NEK11: variants seen among roughly 807,000 people sequenced by gnomAD.
The protein encoded by NEK11 is NIMA related kinase 11.
Under a neutral mutation model 80.7 loss-of-function variants are expected in NEK11, and 72 were observed. The ratio of observed to expected loss-of-function variants is 0.89; its 90% CI spans 0.74 to 1.08. NEK11 has a LOEUF of 1.08. Ranked by LOEUF, NEK11 falls within the 50% of genes least tolerant of loss-of-function variation. The pLI, the probability that NEK11 is intolerant of heterozygous loss-of-function variation, is 0.00. For synonymous variants in NEK11, 251 were observed against 260.7 expected, an observed-to-expected ratio of 0.96 and a Z score of 0.36; for missense variants, 764 against 763.6, an observed-to-expected ratio of 1.00 and a Z score of -0.01.
At chr3:131,277,038 T>C (rs2096304698) in intron 17 of NEK11, among the ~76,000 whole-genome samples, 1 of 152,208 alleles carries the variant, frequency 6.6e-6, no homozygotes, top group Non-Finnish European at 1.5e-5. Context: ...GGTTTGTCTG[T>C]TGTTTCCTCA....
intron 7 of NEK11, among the ~76,000 whole-genome samples, chr3:131,139,517 G>A (rs564498615): frequency 3.3e-5 from 5 of 152,166 alleles, no homozygotes; most frequent in African/African-American, 7.2e-5. Flanking sequence ...TCTAGAAAAA[G>A]ATATTAATAT....
intron 4 of NEK11, among the ~76,000 whole-genome samples, chr3:131,101,177 ACC>A (rs1180208009): frequency 6.6e-6 from 1 of 151,900 alleles, no homozygotes; most frequent in Admixed American, 6.6e-5. Context: ...TTTTATAAGA[ACC>A]AACTCTTGGT....
chr3:131,042,441 A>G (rs1433113080), intron 3 of NEK11, among the ~76,000 whole-genome samples: 1 of 152,100 alleles, frequency 6.6e-6, no homozygotes, highest in Non-Finnish European at 1.5e-5. Flanking sequence ...GGTGTTCACC[A>G]TTACTGAGGC....
intron 3 of NEK11, among the ~76,000 whole-genome samples, chr3:131,069,667 G>A (rs1041428150): frequency 1.3e-5 from 2 of 151,518 alleles, no homozygotes; most frequent in Non-Finnish European, 2.9e-5. Flanking sequence ...ATGAGTTCAC[G>A]TCCTTTGTAG....
intron 4 of NEK11, among the ~76,000 whole-genome samples, chr3:131,089,580 A>G (rs2076446326): frequency 6.6e-6 from 1 of 152,184 alleles, no homozygotes; most frequent in Admixed American, 6.5e-5. Context: ...CTGGGATTAC[A>G]GGCATGTGCC....
intron 4 of NEK11, among the ~76,000 whole-genome samples, chr3:131,096,587 C>T (rs930833411): frequency 1.3e-5 from 2 of 151,978 alleles, no homozygotes; most frequent in Non-Finnish European, 2.9e-5. Flanking sequence ...GTTTTGAGTT[C>T]TTTGAGGAAT....
In NEK11 at chr3:131,212,373, G is replaced by A. The variant is rs573152739; in HGVS notation, c.1400-16155G>A. On this transcript the variant is annotated intron_variant, in intron 14 of 17. Coordinates refer to ENST00000383366, the MANE Select transcript of NEK11 (RefSeq NM_024800.5). ...CCTCTGGAAGCTTCGTCTCAGAGGG[G>A]CACCCGGCTGTATGACGTGTCAGTC... Among the ~76,000 whole-genome samples, 4 of 152,296 alleles carry A rather than the reference G, an allele frequency of 2.6e-5. No individual in the cohort carries two copies. The South Asian group carries it at 6.2e-4, about 24-fold the overall frequency.
rs1301783576 is a variant in NEK11 at position 131,333,572 on chromosome 3, T to C, written c.1719-15985T>C. 6.6e-5 allele frequency among the ~76,000 whole-genome samples: 10 copies of C among 152,092 alleles called. No homozygotes were observed. The East Asian group carries it at 1.9e-3, about 29-fold the overall frequency. On this transcript the variant is annotated intron_variant, in intron 17 of 17. Transcript: ENST00000383366. ...AAACTGCATCAACTAACGAGCAAAA[T>C]CACCAGCTAACATCATAATGACAGG...
intron 14 of NEK11, among the ~76,000 whole-genome samples, chr3:131,176,773 G>A (rs1006624757): frequency 2.0e-5 from 3 of 152,078 alleles, no homozygotes; most frequent in Non-Finnish European, 4.4e-5. Flanking sequence ...GTATTCATGG[G>A]GAAAACCAGC....
chr3:131,195,530 T>C (rs1341490831), intron 14 of NEK11, among the ~76,000 whole-genome samples: 1 of 152,046 alleles, frequency 6.6e-6, no homozygotes, highest in African/African-American at 2.4e-5. Context: ...AAAGGTCCTA[T>C]TTGCAGAGAA....
intron 15 of NEK11, among the ~76,000 whole-genome samples, chr3:131,232,956 T>G (rs2107876423): frequency 6.7e-6 from 1 of 149,478 alleles, no homozygotes; most frequent in East Asian, 2.0e-4. Flanking sequence ...GGAGGAGTCT[T>G]AAACCATACT....
chr3:131,077,182 T>A (rs919095132), intron 3 of NEK11, among the ~76,000 whole-genome samples: 13 of 152,196 alleles, frequency 8.5e-5, no homozygotes, highest in Non-Finnish European at 1.3e-4. Context: ...AAATTTCTCC[T>A]GAGTTGAGGC....
intron 3 of NEK11, among the ~76,000 whole-genome samples, chr3:131,046,578 CTT>C (rs200719678): frequency 4.1e-5 from 6 of 146,522 alleles, no homozygotes; most frequent in Non-Finnish European, 3.0e-5. Context: ...TAAAGTGATT[CTT>C]TTTTTTTTTT....
intron 4 of NEK11, among the ~76,000 whole-genome samples, chr3:131,102,593 C>T (rs1348343560): frequency 2.0e-5 from 3 of 152,186 alleles, no homozygotes; most frequent in African/African-American, 7.2e-5. Flanking sequence ...ACTTTTCTCT[C>T]TTCCTTTAAG....
At chr3:131,286,444 T>G (rs967742083) in intron 17 of NEK11, among the ~76,000 whole-genome samples, 1 of 152,234 alleles carries the variant, frequency 6.6e-6, no homozygotes, top group Non-Finnish European at 1.5e-5. Context: ...TGACCATGCC[T>G]GAATTGTAGT....
Position 131,291,968 on chromosome 3 carries a change from T to C in NEK11, c.1718+18394T>C, listed in dbSNP as rs1393252718. On this transcript the variant is annotated intron_variant, in intron 17 of 17. Coordinates refer to ENST00000383366, the MANE Select transcript of NEK11 (RefSeq NM_024800.5). ...ATTTCTTGCTCTCAAAAATCATGCC[T>C]TTGTTGTATCTAAAAAGTCATTGCC... 2.0e-5 allele frequency among the ~76,000 whole-genome samples: 3 copies of C among 152,190 alleles called. No individual in the cohort carries two copies. In the East Asian group the frequency reaches 5.8e-4, roughly 29 times the overall value.
At chr3:131,112,927 A>T (rs1011970067) in intron 5 of NEK11, among the ~76,000 whole-genome samples, 3 of 152,186 alleles carry the variant, frequency 2.0e-5, no homozygotes, top group African/African-American at 7.2e-5. Flanking sequence ...GAGCTTTTTG[A>T]GTGGAGTTAT....
intron 5 of NEK11, among the ~76,000 whole-genome samples, chr3:131,113,458 A>C (rs2080456491): frequency 6.6e-6 from 1 of 152,176 alleles, no homozygotes; most frequent in Non-Finnish European, 1.5e-5. Flanking sequence ...AGAAGCCAAT[A>C]AGTGGGAAGA....
intron 14 of NEK11, among the ~76,000 whole-genome samples, chr3:131,183,775 A>T (rs193295350): frequency 2.5e-4 from 38 of 152,344 alleles, no homozygotes; most frequent in Admixed American, 9.8e-4. Context: ...TAACAGAATG[A>T]TTTATATTCC....
Sources: allele counts gnomAD v4.1 joint callset (sites outside exome capture counted in the v4.1 genomes callset), GRCh38; gene constraint gnomAD v4.1.1; transcripts MANE v1.5; gene names NCBI Gene and HGNC (gene_info 2026-07-23, HGNC 2026-07-21).